Variants in NTM observed in about 807,000 individuals in gnomAD.
The protein encoded by NTM is neurotrimin.
NTM carries 13 observed loss-of-function variants against 42.1 expected under a neutral mutation model. The observed-to-expected ratio is 0.31, with a 90% CI of 0.20 to 0.49. NTM has a LOEUF of 0.49. NTM is among the 20% of genes least tolerant of loss of function. NTM has a pLI of 0.99. For missense variants in NTM, 373 were observed against 452.8 expected, an observed-to-expected ratio of 0.82 and a Z score of 1.60; for synonymous variants, 187 against 179.2, an observed-to-expected ratio of 1.04 and a Z score of -0.35.
chr11:132,311,189 A>T (rs1277817394), intron 6 of NTM, among the ~76,000 whole-genome samples: 1 of 152,222 alleles, frequency 6.6e-6, no homozygotes, highest in African/African-American at 2.4e-5. Flanking sequence ...GTCTTCAGCC[A>T]GCCTTGGCTT....
chr11:131,834,827 A>G (rs1344974531), intron 1 of NTM, among the ~76,000 whole-genome samples: 1 of 151,936 alleles, frequency 6.6e-6, no homozygotes, highest in Non-Finnish European at 1.5e-5. Flanking sequence ...TCACCCTGCT[A>G]TACTGCCTCC....
At chr11:131,769,286 G>T (rs2085645259) in intron 1 of NTM, among the ~76,000 whole-genome samples, 1 of 107,032 alleles carries the variant, frequency 9.3e-6, no homozygotes, top group Admixed American at 9.8e-5. Context: ...TAATGATTTG[G>T]TTTTCTCATT....
intron 1 of NTM, among the ~76,000 whole-genome samples, chr11:131,644,232 A>G (rs1212102875): frequency 6.6e-6 from 1 of 152,180 alleles, no homozygotes. Context: ...GAGGTTGAAG[A>G]TGCTCAGAGG....
intron 2 of NTM, among the ~76,000 whole-genome samples, chr11:131,915,911 C>G (rs758028715): frequency 6.6e-6 from 1 of 152,172 alleles, no homozygotes; most frequent in African/African-American, 2.4e-5. Flanking sequence ...ATTATGGGAG[C>G]TACAATTCAA....
At chr11:131,925,361 CT>C (rs560183312) in intron 2 of NTM, among the ~76,000 whole-genome samples, 44 of 137,312 alleles carry the variant, frequency 3.2e-4, no homozygotes, top group African/African-American at 7.0e-4. Context: ...ATTAGAGTTC[CT>C]TTTTTTTTTC....
intron 1 of NTM, 110 bp downstream of exon 1, chr11:131,370,998 GGA>G: frequency 1.3e-6 from 2 of 1,542,874 alleles, no homozygotes; most frequent in African/African-American, 2.8e-5. Context: ...TGCAGGTGGA[GGA>G]GAGAGCGTTT....
intron 1 of NTM, among the ~76,000 whole-genome samples, chr11:131,873,341 T>A: frequency 6.7e-6 from 1 of 148,252 alleles, no homozygotes. Flanking sequence ...GTAGGGAACA[T>A]CACACACCGG....
At chr11:132,279,522 A>G (rs1243837871) in intron 4 of NTM, among the ~76,000 whole-genome samples, 3 of 152,184 alleles carry the variant, frequency 2.0e-5, no homozygotes, top group Non-Finnish European at 4.4e-5. Context: ...CAGAACTTCC[A>G]CTACTGCACG....
At chr11:132,283,622 C>G (rs10894529) in intron 4 of NTM, among the ~76,000 whole-genome samples, 31,603 of 152,070 alleles carry the variant, frequency 0.21, 4,213 homozygotes, top group East Asian at 0.62. Context: ...TGGTTATATT[C>G]CTAAATGATG....
At chr11:132,187,666 G>T (rs2138185961) in intron 3 of NTM, among the ~76,000 whole-genome samples, 1 of 152,282 alleles carries the variant, frequency 6.6e-6, no homozygotes, top group Admixed American at 6.5e-5. Context: ...GAGTACAAAA[G>T]AAGGGAGAGA....
At chr11:131,520,213 A>T (rs2049447196) in intron 1 of NTM, among the ~76,000 whole-genome samples, 1 of 152,222 alleles carries the variant, frequency 6.6e-6, no homozygotes, top group Non-Finnish European at 1.5e-5. Flanking sequence ...ATAATAATAT[A>T]TATTAAACAT....
At chr11:131,450,698 C>T (rs867747434) in intron 1 of NTM, among the ~76,000 whole-genome samples, 3 of 152,178 alleles carry the variant, frequency 2.0e-5, no homozygotes, top group Non-Finnish European at 4.4e-5. Flanking sequence ...GTTTTTAACA[C>T]AGCACTTCGT....
chr11:131,802,303 G>A (rs2092184917), intron 1 of NTM, among the ~76,000 whole-genome samples: 3 of 152,082 alleles, frequency 2.0e-5, no homozygotes, highest in African/African-American at 4.8e-5. Flanking sequence ...CTTTCCTCCT[G>A]CATTGTCGTG....
chr11:131,793,508 T>C (rs1477716707), intron 1 of NTM, among the ~76,000 whole-genome samples: 2 of 152,208 alleles, frequency 1.3e-5, no homozygotes, highest in African/African-American at 2.4e-5. Flanking sequence ...ATCTTACAGA[T>C]TTTTAAAACT....
intron 2 of NTM, among the ~76,000 whole-genome samples, chr11:131,955,031 T>C (rs918091887): frequency 1.3e-5 from 2 of 152,218 alleles, no homozygotes; most frequent in Non-Finnish European, 2.9e-5. Flanking sequence ...CCTCATTGTC[T>C]TTATTCACAA....
chr11:131,459,960 G>A (rs1282841069), intron 1 of NTM, among the ~76,000 whole-genome samples: 1 of 152,078 alleles, frequency 6.6e-6, no homozygotes, highest in African/African-American at 2.4e-5. Flanking sequence ...TAAAACAATT[G>A]TCTCAAAGCA....
At chr11:131,682,486 C>T (rs917696355) in intron 1 of NTM, among the ~76,000 whole-genome samples, 8 of 152,202 alleles carry the variant, frequency 5.3e-5, no homozygotes, top group African/African-American at 9.6e-5. Context: ...CCTCGTGGCA[C>T]GCATGCAGCT....
chr11:131,451,596 C>T (rs574781826), intron 1 of NTM, among the ~76,000 whole-genome samples: 1 of 152,276 alleles, frequency 6.6e-6, no homozygotes, highest in Admixed American at 6.5e-5. Flanking sequence ...GCATGGTCAT[C>T]TGGACATTTT....
intron 1 of NTM, among the ~76,000 whole-genome samples, chr11:131,829,737 G>A (rs2042576162): frequency 6.6e-6 from 1 of 152,066 alleles, no homozygotes; most frequent in Non-Finnish European, 1.5e-5. Flanking sequence ...GTAGTTCTTA[G>A]TTCTTTCAGA....
Sources: gnomAD v4.1 joint callset for allele counts (sites outside exome capture counted in the v4.1 genomes callset) on GRCh38, gnomAD v4.1.1 for gene constraint, MANE v1.5 for transcripts, NCBI Gene and HGNC (gene_info 2026-07-23, HGNC 2026-07-21) for gene names.